Variants in CDC25A observed in about 807,000 individuals in gnomAD.
CDC25A encodes cell division cycle 25A, also known as M-phase inducer phosphatase 1.
Under a neutral mutation model 64.6 loss-of-function variants are expected in CDC25A, and 17 were observed. That is an observed-to-expected ratio of 0.26 (90% CI 0.18 to 0.39). The LOEUF (loss-of-function observed/expected upper bound fraction) is 0.39. Among genes scored for constraint, CDC25A ranks in the 10% least tolerant of loss-of-function variants. The pLI is 1.00. For synonymous variants in CDC25A, 229 were observed against 238.6 expected (o/e 0.96, Z 0.37); for missense variants, 473 against 654.8 (o/e 0.72, Z 3.03).
Position 48,188,245 on chromosome 3 carries a change from G to T in CDC25A, c.-298C>A. ...AGATTAAATCCAAACAAACGTGGCG[G>T]GTCGGCAAGAGAAGCCGGGCGAGAG... On this transcript the variant is annotated 5_prime_UTR_variant, in exon 1 of 15. Coordinates refer to ENST00000302506, the MANE Select transcript of CDC25A (RefSeq NM_001789.3). 3.7e-6 allele frequency: 1 copy of T among 268,384 alleles called. No homozygotes were observed. Among genetic ancestry groups the T allele is most frequent in the Non-Finnish European group, 7.0e-6 (1 of 143,726 alleles). The allele number at this position is 268,384 out of a possible 1,614,324, so 16.6% of individuals were successfully genotyped here. A position where few individuals can be genotyped will look rare whatever the true frequency, so the allele number is the denominator to read the frequency against.
chr3:48,161,318 TG>T (rs1385170076), intron 13 of CDC25A: 1 of 154,474 alleles, frequency 6.5e-6, no homozygotes, highest in Non-Finnish European at 1.4e-5. Context: ...AATACAGAGA[TG>T]GGGCGTTTTC....
At chr3:48,162,297 T>TGTGTGTGA (rs1003124398) in intron 13 of CDC25A, among the ~76,000 whole-genome samples, 3 of 149,730 alleles carry the variant, frequency 2.0e-5, no homozygotes, top group African/African-American at 7.4e-5. Context: ...TGTGTGTGTG[T>TGTGTGTGA]GAGAGAGAGA....
At chr3:48,163,298 A>AAAG (rs1553767885) in intron 13 of CDC25A, among the ~76,000 whole-genome samples, 26 of 148,226 alleles carry the variant, frequency 1.8e-4, no homozygotes, top group South Asian at 1.3e-3. Flanking sequence ...AAAAAAAAAA[A>AAAG]AAAGAAAGAA....
intron 2 of CDC25A, among the ~76,000 whole-genome samples, chr3:48,185,255 TA>T (rs533081526): frequency 4.0e-5 from 6 of 148,760 alleles, no homozygotes; most frequent in Non-Finnish European, 6.0e-5. Flanking sequence ...CTACCAAAGT[TA>T]AAAAAAAAAT....
chr3:48,181,079 T>C (rs1358970426), intron 5 of CDC25A, among the ~76,000 whole-genome samples: 2 of 152,186 alleles, frequency 1.3e-5, no homozygotes, highest in African/African-American at 4.8e-5. Flanking sequence ...CTGCCAAATA[T>C]ACAAAACACG....
At position 48,181,517 on chromosome 3, in the gene CDC25A, G is replaced by A. The variant is rs3731505; in HGVS notation, c.430-677C>T. On this transcript the variant is annotated intron_variant, in intron 5 of 14. Coordinates refer to ENST00000302506, the MANE Select transcript of CDC25A (RefSeq NM_001789.3). ...TGAGTTCCCCGTTGCCCTTGGTCTC[G>A]GGGTCGCGGTCGGCACTGAGGCTGC... 3.3e-5 allele frequency: 40 copies of A among 1,223,294 alleles called. No individual in the cohort carries two copies. In the Middle Eastern group the frequency reaches 2.0e-3, roughly 63 times the overall value. 75.8% of individuals were successfully genotyped at this position (1,223,294 alleles called of 1,614,324 possible). A position where few individuals can be genotyped will look rare whatever the true frequency, so the allele number is the denominator to read the frequency against.
intron 9 of CDC25A, among the ~76,000 whole-genome samples, chr3:48,171,885 C>T (rs2032282722): frequency 6.6e-6 from 1 of 152,194 alleles, no homozygotes; most frequent in South Asian, 2.1e-4. Flanking sequence ...GCCAGGTGCA[C>T]TGGCCTGTGC....
chr3:48,168,460 G>A (rs1240148369), intron 9 of CDC25A, among the ~76,000 whole-genome samples: 2 of 151,172 alleles, frequency 1.3e-5, no homozygotes, highest in Non-Finnish European at 2.9e-5. Flanking sequence ...GGAGGCTGAA[G>A]TGGGAGGATC....
intron 8 of CDC25A, among the ~76,000 whole-genome samples, chr3:48,176,266 T>C (rs1448749804): frequency 1.3e-5 from 2 of 152,116 alleles, no homozygotes; most frequent in Non-Finnish European, 1.5e-5. Flanking sequence ...TATGAACTTA[T>C]CAATTTAGAT....
At position 48,188,007 on chromosome 3, in the gene CDC25A, C is replaced by T. The variant is rs2032912971; in HGVS notation, c.-60G>A. 1 of 1,289,056 alleles carries T rather than the reference C, an allele frequency of 7.8e-7. No homozygotes were observed. Among genetic ancestry groups the T allele is most frequent in the Non-Finnish European group, 9.9e-7 (1 of 1,013,314 alleles). 79.9% of individuals were successfully genotyped at this position (1,289,056 alleles called of 1,614,324 possible). A position where few individuals can be genotyped will look rare whatever the true frequency, so the allele number is the denominator to read the frequency against. On this transcript the variant is annotated 5_prime_UTR_variant, in exon 1 of 15. Coordinates refer to ENST00000302506, the MANE Select transcript of CDC25A (RefSeq NM_001789.3). ...CTTCCTCTGCCTCCGCCGCGACCGC[C>T]CCGCCCCGCCGACACCGGCCTCGGC...
intron 6 of CDC25A, among the ~76,000 whole-genome samples, chr3:48,178,801 T>C (rs916963569): frequency 2.0e-5 from 3 of 152,286 alleles, no homozygotes; most frequent in African/African-American, 7.2e-5. Flanking sequence ...ACATGGAATA[T>C]AGAAAATTTA....
At chr3:48,170,738 C>T (rs1410174345) in intron 9 of CDC25A, among the ~76,000 whole-genome samples, 1 of 152,212 alleles carries the variant, frequency 6.6e-6, no homozygotes, top group African/African-American at 2.4e-5. Flanking sequence ...AATCATGTCT[C>T]TGTCTTTCCA....
Position 48,159,443 on chromosome 3 carries a change from C to T in CDC25A, c.1335G>A (p.Val445=). ...SERGPRMCRY[V]RERDRLGNEY... is the part of the protein sequence containing the mutation. ...CATTACCCAGGCGATCTCTCTCTCT[C>T]ACATACCGGCACCTAGTCAGGGGAA... The change falls in exon 14 of 15, where the codon GTG becomes GTA. Residue 445 remains valine, a synonymous_variant. Transcript: ENST00000302506. 1 of 1,613,228 alleles carries T rather than the reference C, an allele frequency of 6.2e-7. No homozygotes were observed. Among genetic ancestry groups the T allele is most frequent in the Non-Finnish European group, 8.5e-7 (1 of 1,179,228 alleles).
At chr3:48,169,190 G>T (rs73831556) in intron 9 of CDC25A, among the ~76,000 whole-genome samples, 3,168 of 152,252 alleles carry the variant, frequency 0.021, 100 homozygotes, top group African/African-American at 0.069. Flanking sequence ...TTTCCCAAGG[G>T]TAACCACAGT....
chr3:48,186,616 A>T, intron 2 of CDC25A, 87 bp downstream of exon 2: 2 of 804,082 alleles, frequency 2.5e-6, no homozygotes, highest in Middle Eastern at 2.3e-4. Flanking sequence ...TGACTTCCTC[A>T]AGTTCTCACC....
intron 12 of CDC25A, among the ~76,000 whole-genome samples, chr3:48,165,106 T>TAAAAAAAAAAA (rs1244487442): frequency 1.1e-4 from 2 of 18,772 alleles, no homozygotes; most frequent in Non-Finnish European, 2.1e-4. Flanking sequence ...GGACTCTGTC[T>TAAAAAAAAAAA]CAAAAAAAAA....
rs1163588783 is a variant in CDC25A at position 48,164,312 on chromosome 3, G to A, written c.1317C>T (p.Pro439=). ...FHCEFSSERG[P]RMCRYVRERD... ...CAGTTCCGTGCAGCACTCACATGCG[G>A]GGACCTCTCTCAGAAGAAAACTCGC... Residue 439 remains proline, a synonymous_variant, in exon 13 of 15, where the codon CCC becomes CCT. Transcript: ENST00000302506. 6.3e-7 allele frequency: 1 copy of A among 1,586,456 alleles called. No homozygotes were observed. Among genetic ancestry groups the A allele is most frequent in the Non-Finnish European group, 8.6e-7 (1 of 1,168,384 alleles).
chr3:48,174,500 C>G, intron 8 of CDC25A, 43 bp from the exon 9 acceptor site: 1 of 1,568,526 alleles, frequency 6.4e-7, no homozygotes, highest in East Asian at 2.3e-5. Flanking sequence ...TCATTAAAAC[C>G]TGTTCACTTG....
chr3:48,175,895 G>A (rs1034909922), intron 8 of CDC25A, among the ~76,000 whole-genome samples: 1 of 152,176 alleles, frequency 6.6e-6, no homozygotes, highest in Non-Finnish European at 1.5e-5. Context: ...GGCTGGGCAC[G>A]GTGGCTCATG....
Sources: allele counts gnomAD v4.1 joint callset (sites outside exome capture counted in the v4.1 genomes callset), GRCh38; gene constraint gnomAD v4.1.1; transcripts MANE v1.5; gene names NCBI Gene and HGNC (gene_info 2026-07-23, HGNC 2026-07-21).